Variants in DYRK4 observed in about 807,000 individuals in gnomAD.
DYRK4 encodes dual specificity tyrosine-phosphorylation-regulated kinase 4.
Under a neutral mutation model 68.3 loss-of-function variants are expected in DYRK4, and 64 were observed. The observed-to-expected ratio is 0.94, with a 90% confidence interval of 0.77 to 1.15. The LOEUF (loss-of-function observed/expected upper bound fraction) is 1.15. Among genes scored for constraint, DYRK4 ranks in the 50% most tolerant of loss-of-function variants. DYRK4 has a pLI of 0.00. For synonymous variants in DYRK4, 274 were observed against 289.9 expected (o/e 0.95, Z 0.56); for missense variants, 740 against 764.7 (o/e 0.97, Z 0.38).
intron 1 of DYRK4, among the ~76,000 whole-genome samples, chr12:4,566,597 G>A (rs1281222154): frequency 6.6e-6 from 1 of 152,194 alleles, no homozygotes; most frequent in Non-Finnish European, 1.5e-5. Flanking sequence ...GCATTGTCAT[G>A]ATCTACTTTC....
At chr12:4,610,504 T>C (rs899364592) in intron 13 of DYRK4, 1 of 407,380 alleles carries the variant, frequency 2.5e-6, no homozygotes, top group Non-Finnish European at 4.3e-6. Context: ...TGCTCTGTTT[T>C]GCACGTATGG....
intron 2 of DYRK4, among the ~76,000 whole-genome samples, chr12:4,586,279 T>C (rs1232937069): frequency 1.3e-5 from 2 of 152,150 alleles, no homozygotes; most frequent in Non-Finnish European, 2.9e-5. Context: ...GCCCAGGTCT[T>C]AGACTGCACA....
At chr12:4,606,563 C>G (rs1945154538) in intron 11 of DYRK4, among the ~76,000 whole-genome samples, 1 of 152,172 alleles carries the variant, frequency 6.6e-6, no homozygotes, top group Admixed American at 6.5e-5. Flanking sequence ...CTAGGCATTT[C>G]CCAGCTCTGG....
rs1210967438 is a variant in DYRK4, at chr12:4,612,602, A to G, written c.1550A>G (p.Gln517Arg). 11 of 1,614,226 alleles carry G rather than the reference A, an allele frequency of 6.8e-6. No individual in the cohort carries two copies. The highest frequency in any genetic ancestry group is 5.9e-6 in the Non-Finnish European group (7 of 1,180,036). The change falls in exon 14 of 15, where the codon CAG (glutamine) becomes CGG (arginine). Residue 517 changes from glutamine (Q) to arginine (R), a missense_variant. Physicochemically the swap from Gln to Arg is conservative, Grantham distance 43. This residue lies in a region of DYRK4 where 614 missense variants were observed against 603.7 expected (regional missense o/e 1.02). Coordinates refer to ENST00000543431, the MANE Select transcript of DYRK4 (RefSeq NM_001394779.1). ...GCCCTCAAGCATGCTTGGATTCATC[A>G]GTCTCGGAACCTCAAGCCACAGCCC... ...DQALKHAWIH[Q>R]SRNLKPQPRP...
chr12:4,580,377 G>T (rs1012395780), intron 2 of DYRK4, among the ~76,000 whole-genome samples: 1 of 152,180 alleles, frequency 6.6e-6, no homozygotes, highest in African/African-American at 2.4e-5. Context: ...TTTGGAGGCG[G>T]CTCCTCCCCA....
chr12:4,589,484 C>T (rs1409172692), intron 3 of DYRK4, among the ~76,000 whole-genome samples: 5 of 152,204 alleles, frequency 3.3e-5, no homozygotes, highest in Non-Finnish European at 7.3e-5. Flanking sequence ...GACCACTACC[C>T]TTCCCAGCCT....
chr12:4,602,703 C>G (rs1945094893), intron 10 of DYRK4: 2 of 1,471,734 alleles, frequency 1.4e-6, no homozygotes, highest in Non-Finnish European at 1.9e-6. Flanking sequence ...TAATGGGAGG[C>G]AAATACCCCT....
intron 2 of DYRK4, among the ~76,000 whole-genome samples, chr12:4,577,585 T>C (rs12809902): frequency 0.017 from 2,531 of 152,350 alleles, 29 homozygotes; most frequent in South Asian, 0.032. Flanking sequence ...ACTTTGCTGT[T>C]CTTTGGTTTT....
intron 10 of DYRK4, 34 bp downstream of exon 10, chr12:4,599,822 TC>T: frequency 6.3e-7 from 1 of 1,586,308 alleles, no homozygotes; most frequent in Non-Finnish European, 8.6e-7. Context: ...ATCTGAGTTT[TC>T]CTATTGCAAT....
At position 4,596,721 on chromosome 12, in the gene DYRK4, G is replaced by C. The variant is rs773213017; in HGVS notation, c.897G>C (p.Glu299Asp). The C allele has an allele frequency of 7.4e-6, 12 of 1,613,780 alleles. No homozygotes were observed. The highest frequency in any genetic ancestry group is 1.0e-5 in the Non-Finnish European group (12 of 1,179,994). Reference sequence around the variant, plus strand: ...GCAATCACTTCTGCATCACCTTTGAGCTCCTGGGGTCAGCTGCCTTTTCTT... The same window carrying C: ...GCAATCACTTCTGCATCACCTTTGACCTCCTGGGGTCAGCTGCCTTTTCTT... ...YFRNHFCITF[E>D]LLGINLYELM... Residue 299 changes from glutamate to aspartate, a missense_variant, in exon 8 of 15, where the codon GAG becomes GAC. Around this residue, in one of 3 missense-constraint regions of DYRK4, gnomAD observed 614 missense variants for 603.7 expected, o/e 1.02. Transcript: ENST00000543431.
intron 10 of DYRK4, among the ~76,000 whole-genome samples, chr12:4,600,846 C>T (rs1440330443): frequency 3.3e-5 from 5 of 149,370 alleles, no homozygotes; most frequent in South Asian, 4.4e-4. Context: ...AACTCAATCT[C>T]TAGCCCCTTC....
intron 2 of DYRK4, among the ~76,000 whole-genome samples, chr12:4,588,560 C>T (rs17774040): frequency 4.9e-4 from 74 of 152,112 alleles, no homozygotes; most frequent in African/African-American, 1.6e-3. Context: ...ACACTCAGGG[C>T]GAAAAGACTT....
At chr12:4,596,433 G>A (rs1823742487) in intron 7 of DYRK4, 148 bp downstream of exon 7, 1 of 1,505,380 alleles carries the variant, frequency 6.6e-7, no homozygotes, top group Non-Finnish European at 8.8e-7. Flanking sequence ...TTCCATGAGG[G>A]GGCAAAGAGG....
At chr12:4,589,044 C>G in intron 3 of DYRK4, 27 bp downstream of exon 3, 1 of 1,533,442 alleles carries the variant, frequency 6.5e-7, no homozygotes. Flanking sequence ...AGCTCCTTTT[C>G]TCTAGGAGAG....
Position 4,596,845 on chromosome 12 carries a change from A to G in DYRK4, c.905+116A>G, listed in dbSNP as rs144703217. ...TGAATATTTAGTAACTAGAATGGAC[A>G]TGACAGTCACTCAGTTATCCAGAAT... On this transcript the variant is annotated intron_variant, in intron 8 of 14. Transcript: ENST00000543431. The G allele has an allele frequency of 7.5e-4, 1,167 of 1,550,270 alleles. 11 individuals carry two copies. In the African/African-American group the frequency reaches 0.014, roughly 19 times the overall value.
At chr12:4,571,485 T>TG (rs1009892056) in intron 2 of DYRK4, among the ~76,000 whole-genome samples, 44 of 152,158 alleles carry the variant, frequency 2.9e-4, no homozygotes, top group African/African-American at 9.7e-4. Flanking sequence ...ACTGGGGGTG[T>TG]GCTGTGAGTG....
At chr12:4,593,932 T>A (rs1944985873) in intron 6 of DYRK4, among the ~76,000 whole-genome samples, 1 of 152,248 alleles carries the variant, frequency 6.6e-6, no homozygotes, top group Admixed American at 6.5e-5. Context: ...AGCATTACTG[T>A]GAACACAAAC....
At chr12:4,590,481 G>A in intron 4 of DYRK4, 41 bp downstream of exon 4, 2 of 1,531,022 alleles carry the variant, frequency 1.3e-6, no homozygotes, top group Non-Finnish European at 1.7e-6. Flanking sequence ...GCAGGTGAAA[G>A]ACCTGGTTTT....
intron 2 of DYRK4, among the ~76,000 whole-genome samples, chr12:4,582,314 C>T (rs1284457255): frequency 6.6e-6 from 1 of 152,078 alleles, no homozygotes; most frequent in Non-Finnish European, 1.5e-5. Context: ...CGTGGTGGCG[C>T]GTGCCTGTAA....
Sources: allele counts gnomAD v4.1 joint callset (sites outside exome capture counted in the v4.1 genomes callset), GRCh38; gene constraint gnomAD v4.1.1; regional missense constraint gnomAD v4.1.1; transcripts MANE v1.5; gene names NCBI Gene and HGNC (gene_info 2026-07-23, HGNC 2026-07-21).